The following ARHGAP8 variants were observed in gnomAD, a reference collection of about 807,000 sequenced individuals.
ARHGAP8 encodes the protein rho GTPase-activating protein 8.
ARHGAP8 carries 62 observed loss-of-function variants against 46.1 expected under a neutral mutation model. The ratio of observed to expected loss-of-function variants is 1.34; its 90% confidence interval spans 1.10 to 1.66. The LOEUF (loss-of-function observed/expected upper bound fraction) is 1.66, where lower values mean the gene tolerates loss of function less well. ARHGAP8 is among the 40% of genes most tolerant of loss of function. The probability of loss-of-function intolerance (pLI) is 0.00; values close to 1 mark genes in which losing one functional copy is unlikely to be tolerated. For synonymous variants in ARHGAP8, 375 were observed against 243.1 expected (o/e 1.54, Z -5.05); for missense variants, 923 against 568.4 (o/e 1.62, Z -6.34).
At chr22:44,859,856 T>G (rs1217337339) in intron 11 of ARHGAP8, 22 bp downstream of exon 11, 2 of 1,610,438 alleles carry the variant, frequency 1.2e-6, no homozygotes, top group Non-Finnish European at 8.5e-7. Context: ...AGGGGGGAGC[T>G]TGGGGTGAAG....
Position 44,828,425 on chromosome 22 carries a change from ATTTTTTTT to A in ARHGAP8, c.596+2850_596+2857del, listed in dbSNP as rs535537198. On this transcript the variant is annotated intron_variant, in intron 7 of 11. Coordinates refer to ENST00000356099, the MANE Select transcript of ARHGAP8 (RefSeq NM_181335.3). ...GACCAGGCTCAGCCAGCAGACCAGA[ATTTTTTTT>A]TTTTTTTTTTTTTTTTTGAGACAAT... Among the ~76,000 whole-genome samples the A allele has an allele frequency of 1.4e-3, 170 of 118,260 alleles. 1 individual carries two copies. The highest frequency in any genetic ancestry group is 5.1e-3 in the African/African-American group (159 of 30,952). 77.6% of individuals were successfully genotyped at this position (118,260 alleles called of 152,430 possible). A position where few individuals can be genotyped will look rare whatever the true frequency, so the allele number is the denominator to read the frequency against.
At chr22:44,854,893 G>T (rs1029049269) in intron 10 of ARHGAP8, among the ~76,000 whole-genome samples, 1 of 152,106 alleles carries the variant, frequency 6.6e-6, no homozygotes, top group African/African-American at 2.4e-5. Flanking sequence ...TGATCTGCCC[G>T]CCTTGGCCTC....
intron 1 of ARHGAP8, among the ~76,000 whole-genome samples, chr22:44,783,102 T>A (rs114498371): frequency 8.0e-6 from 1 of 124,796 alleles, no homozygotes; most frequent in African/African-American, 3.0e-5. Context: ...CCCCACTCCA[T>A]GTTTCTGCTC....
intron 5 of ARHGAP8, among the ~76,000 whole-genome samples, chr22:44,815,664 TCA>T (rs1422136476): frequency 6.6e-6 from 1 of 152,162 alleles, no homozygotes; most frequent in African/African-American, 2.4e-5. Flanking sequence ...TGTGGCGACT[TCA>T]GTCAGCTTCT....
At position 44,859,734 on chromosome 22, in the gene ARHGAP8, T is replaced by G. The variant is rs760980202; in HGVS notation, c.881T>G (p.Val294Gly). ...AYEQILGITCVESSLRVTGCR... is the reference protein window; with the variant it reads ...AYEQILGITCGESSLRVTGCR... Reference sequence around the variant, plus strand: ...AGGGAGCCCCATGCCCTTCCAGGTGTGGAGAGCAGCCTGCGTGTCACTGGC... The same window carrying G: ...AGGGAGCCCCATGCCCTTCCAGGTGGGGAGAGCAGCCTGCGTGTCACTGGC... The change falls in exon 11 of 12, where the codon GTG (valine) becomes GGG (glycine). Residue 294 changes from valine to glycine, a missense_variant. Transcript: ENST00000356099. The G allele has an allele frequency of 6.2e-7, 1 of 1,613,600 alleles. No individual in the cohort carries two copies. The highest frequency in any genetic ancestry group is 8.5e-7 in the Non-Finnish European group (1 of 1,180,018).
intron 7 of ARHGAP8, among the ~76,000 whole-genome samples, chr22:44,837,833 G>A (rs1195327836): frequency 6.6e-6 from 1 of 152,156 alleles, no homozygotes; most frequent in African/African-American, 2.4e-5. Context: ...CAAATGCACG[G>A]GCAGTGGAAA....
rs1569191746 is a variant in ARHGAP8 at position 44,862,473 on chromosome 22, C to T, written c.1180C>T (p.Pro394Ser). 1 of 1,613,982 alleles carries T rather than the reference C, an allele frequency of 6.2e-7. No homozygotes were observed. Among genetic ancestry groups the T allele is most frequent in the African/African-American group, 1.3e-5 (1 of 75,022 alleles). Reference protein sequence around the residue: ...PEAPGEHGLAPWEQGSRAAPL... With the variant: ...PEAPGEHGLASWEQGSRAAPL... ...GGCACCTGGGGAGCACGGCCTGGCA[C>T]CATGGGAACAGGGGAGCAGGGCAGC... Residue 394 changes from proline (P) to serine (S), a missense_variant, in exon 12 of 12, where the codon CCA becomes TCA. Pro to Ser is a moderately conservative substitution (Grantham distance 74, BLOSUM62 -1). Transcript: ENST00000356099.
At chr22:44,790,131 G>A (rs1023140909) in intron 2 of ARHGAP8, among the ~76,000 whole-genome samples, 1 of 152,188 alleles carries the variant, frequency 6.6e-6, no homozygotes, top group Admixed American at 6.5e-5. Context: ...GTAATCAGAT[G>A]TATAATTTAG....
At chr22:44,804,899 C>CCACCAGTG (rs1928827767) in intron 3 of ARHGAP8, among the ~76,000 whole-genome samples, 1 of 152,164 alleles carries the variant, frequency 6.6e-6, no homozygotes, top group African/African-American at 2.4e-5. Context: ...GGAGCGACTT[C>CCACCAGTG]CACCAGTGCA....
chr22:44,758,564 A>G lies in ARHGAP8; in HGVS notation c.-72+5937A>G, dbSNP rs146020763. Among the ~76,000 whole-genome samples, 11 of 151,906 alleles carry G rather than the reference A, an allele frequency of 7.2e-5. No homozygotes were observed. In the East Asian group the frequency reaches 2.2e-3, roughly 30 times the overall value. ...TTGGACTTTAGCCAATGATGATAAT[A>G]GAAACCATCTGTGGCTCACTTACTT... On this transcript the variant is annotated intron_variant, in intron 1 of 11. Coordinates refer to ENST00000356099, the MANE Select transcript of ARHGAP8 (RefSeq NM_181335.3).
intron 10 of ARHGAP8, among the ~76,000 whole-genome samples, chr22:44,858,531 G>A (rs531333507): frequency 1.5e-3 from 30 of 20,208 alleles, no homozygotes; most frequent in Admixed American, 6.9e-3. Context: ...CACCATACCC[G>A]GCTTTTTTTT....
At chr22:44,775,849 G>A (rs4823376) in intron 1 of ARHGAP8, among the ~76,000 whole-genome samples, 98,442 of 151,984 alleles carry the variant, frequency 0.65, 34,515 homozygotes, top group Non-Finnish European at 0.78. Context: ...TAGCTACTTA[G>A]CATTCTGGAA....
chr22:44,846,184 G>T (rs2069951455), intron 8 of ARHGAP8, among the ~76,000 whole-genome samples: 1 of 152,228 alleles, frequency 6.6e-6, no homozygotes, highest in Non-Finnish European at 1.5e-5. Flanking sequence ...CCACCGTGTG[G>T]TCCCTTGGCT....
chr22:44,768,659 C>T (rs1180841607), intron 1 of ARHGAP8, among the ~76,000 whole-genome samples: 1 of 152,016 alleles, frequency 6.6e-6, no homozygotes, highest in Non-Finnish European at 1.5e-5. Context: ...GTAAACCGAA[C>T]ATTAGCACCG....
At chr22:44,841,389 C>T (rs1931643401) in intron 7 of ARHGAP8, among the ~76,000 whole-genome samples, 1 of 152,136 alleles carries the variant, frequency 6.6e-6, no homozygotes, top group Non-Finnish European at 1.5e-5. Context: ...GTGCTAGTAT[C>T]CCGCCCATGT....
At chr22:44,852,408 C>G (rs1335361999) in intron 10 of ARHGAP8, among the ~76,000 whole-genome samples, 1 of 152,118 alleles carries the variant, frequency 6.6e-6, no homozygotes, top group Non-Finnish European at 1.5e-5. Context: ...ATCTGCTACA[C>G]AGAAGTAGGG....
chr22:44,842,852 T>A (rs1931743539), intron 7 of ARHGAP8, among the ~76,000 whole-genome samples: 1 of 152,192 alleles, frequency 6.6e-6, no homozygotes, highest in Non-Finnish European at 1.5e-5. Flanking sequence ...CACATCACAG[T>A]CAGCCCCAGC....
chr22:44,855,535 T>C lies in ARHGAP8; in HGVS notation c.878-4196T>C, dbSNP rs1370220959. On this transcript the variant is annotated intron_variant, in intron 10 of 11. Transcript: ENST00000356099. Reference sequence around the variant, plus strand: ...AAGATTACCTGTTGAGGGTGAAAGTTGTTATCAGTATTTCAGGAGAAGGCC... The same window carrying C: ...AAGATTACCTGTTGAGGGTGAAAGTCGTTATCAGTATTTCAGGAGAAGGCC... 2.0e-5 allele frequency among the ~76,000 whole-genome samples: 3 copies of C among 152,244 alleles called. No individual in the cohort carries two copies. The East Asian group carries it at 5.8e-4, about 29-fold the overall frequency.
intron 10 of ARHGAP8, among the ~76,000 whole-genome samples, chr22:44,858,945 G>A: frequency 6.6e-6 from 1 of 151,796 alleles, no homozygotes. Context: ...CAACTACTCA[G>A]CTCTGCCCTG....
Sources: allele counts gnomAD v4.1 joint callset (sites outside exome capture counted in the v4.1 genomes callset), GRCh38; gene constraint gnomAD v4.1.1; transcripts MANE v1.5; gene names NCBI Gene and HGNC (gene_info 2026-07-23, HGNC 2026-07-21).